ADRA1B: variants seen among roughly 807,000 people sequenced by gnomAD.
ADRA1B encodes adrenoceptor alpha 1B, also known as alpha-1B adrenergic receptor.
Under a neutral mutation model 17.9 loss-of-function variants are expected in ADRA1B, and 17 were observed. That is an observed-to-expected ratio of 0.95 (90% CI 0.65 to 1.42). The LOEUF (loss-of-function observed/expected upper bound fraction) is 1.42, where lower values mean the gene tolerates loss of function less well. ADRA1B is among the 40% of genes most tolerant of loss of function. The pLI, the probability that ADRA1B is intolerant of heterozygous loss-of-function variation, is 0.00. For synonymous variants in ADRA1B, 366 were observed against 327.6 expected (o/e 1.12, Z -1.27); for missense variants, 681 against 722.1 (o/e 0.94, Z 0.65).
intron 1 of ADRA1B, chr5:159,888,484 C>T (rs567232149): frequency 1.3e-4 from 19 of 151,790 alleles, no homozygotes; most frequent in Non-Finnish European, 2.5e-4. Context: ...GTATTTTATT[C>T]TTACCAAATT....
intron 1 of ADRA1B, chr5:159,950,422 C>A: frequency 1.3e-6 from 1 of 763,040 alleles, no homozygotes. Flanking sequence ...CTGTGTGTGG[C>A]AGGGACTCCC....
At chr5:159,905,061 A>G (rs1754145333) in intron 1 of ADRA1B, among the ~76,000 whole-genome samples, 1 of 152,254 alleles carries the variant, frequency 6.6e-6, no homozygotes, top group Non-Finnish European at 1.5e-5. Flanking sequence ...ATCTCTTTGA[A>G]GAGTTCATAA....
intron 1 of ADRA1B, among the ~76,000 whole-genome samples, chr5:159,957,346 A>C (rs1164801307): frequency 6.6e-6 from 1 of 151,746 alleles, no homozygotes; most frequent in Admixed American, 6.6e-5. Flanking sequence ...TCTACCAAAA[A>C]AATACAAAAA....
At chr5:159,974,811 G>A (rs1464811463), downstream of ADRA1B, among the ~76,000 whole-genome samples, 2 of 151,968 alleles carry the variant, frequency 1.3e-5, no homozygotes, top group Admixed American at 6.6e-5. Context: ...TGGTTTATAT[G>A]CTCTGAACTG....
intron 1 of ADRA1B, among the ~76,000 whole-genome samples, chr5:159,920,613 A>G (rs974372888): frequency 1.2e-4 from 18 of 152,144 alleles, no homozygotes; most frequent in Non-Finnish European, 2.5e-4. Context: ...AACCTAACAG[A>G]TAATGTGGGG....
At chr5:159,884,255 G>A (rs1246761881) in intron 1 of ADRA1B, among the ~76,000 whole-genome samples, 1 of 152,180 alleles carries the variant, frequency 6.6e-6, no homozygotes, top group Non-Finnish European at 1.5e-5. Flanking sequence ...TTGTGTTATG[G>A]CTTGAAAGTT....
At chr5:159,964,695 G>A (rs150605854) in intron 1 of ADRA1B, among the ~76,000 whole-genome samples, 2,030 of 152,260 alleles carry the variant, frequency 0.013, 16 homozygotes, top group Non-Finnish European at 0.02. Flanking sequence ...ATTTTAGCAG[G>A]TTCAGGAACC....
At chr5:159,961,714 CT>C (rs1194432175) in intron 1 of ADRA1B, among the ~76,000 whole-genome samples, 5 of 152,214 alleles carry the variant, frequency 3.3e-5, no homozygotes, top group Admixed American at 3.3e-4. Context: ...ACTGACTCCC[CT>C]GAGGTCATTG....
chr5:159,904,765 ATG>A (rs1287738125), intron 1 of ADRA1B, among the ~76,000 whole-genome samples: 1 of 152,256 alleles, frequency 6.6e-6, no homozygotes, highest in Non-Finnish European at 1.5e-5. Flanking sequence ...CCATTATTGA[ATG>A]TGAGTCCATG....
chr5:159,921,058 CT>C (rs1298179385), intron 1 of ADRA1B, among the ~76,000 whole-genome samples: 1 of 152,214 alleles, frequency 6.6e-6, no homozygotes, highest in Non-Finnish European at 1.5e-5. Flanking sequence ...GGGAAAATAG[CT>C]GTGCCCCCTA....
chr5:159,949,937 A>G (rs951946882), intron 1 of ADRA1B, among the ~76,000 whole-genome samples: 1 of 152,004 alleles, frequency 6.6e-6, no homozygotes, highest in Non-Finnish European at 1.5e-5. Flanking sequence ...TCAAACCTCC[A>G]CCAACCCTAC....
intron 1 of ADRA1B, among the ~76,000 whole-genome samples, chr5:159,905,520 C>T (rs952002485): frequency 6.6e-5 from 10 of 152,218 alleles, no homozygotes; most frequent in Non-Finnish European, 1.3e-4. Context: ...TTCACTCACT[C>T]ATCTAATAAA....
In ADRA1B at chr5:159,917,874, C is replaced by A; in HGVS notation, c.949+20C>A. On this transcript the variant is annotated intron_variant, in intron 1 of 1. Transcript: ENST00000306675. Reference sequence around the variant, plus strand: ...CGCTTGGTAAGTTGGGGACTAGCAGCAGGGGGACTGGGCATTTTTGGACCT... The same window carrying A: ...CGCTTGGTAAGTTGGGGACTAGCAGAAGGGGGACTGGGCATTTTTGGACCT... 1 of 1,569,458 alleles carries A rather than the reference C, an allele frequency of 6.4e-7. No homozygotes were observed. Among genetic ancestry groups the A allele is most frequent in the Admixed American group, 1.9e-5 (1 of 52,846 alleles).
intron 1 of ADRA1B, among the ~76,000 whole-genome samples, chr5:159,962,365 T>C (rs1755680006): frequency 6.8e-6 from 1 of 147,582 alleles, no homozygotes; most frequent in Non-Finnish European, 1.5e-5. Context: ...GACCTCAGAC[T>C]GGTGCTGCCA....
intron 1 of ADRA1B, among the ~76,000 whole-genome samples, chr5:159,937,217 A>G (rs945625698): frequency 6.6e-6 from 1 of 152,232 alleles, no homozygotes; most frequent in Admixed American, 6.5e-5. Context: ...TCAGATGTGG[A>G]GGAATCCCTG....
intron 1 of ADRA1B, among the ~76,000 whole-genome samples, chr5:159,893,396 G>A (rs1754008179): frequency 6.6e-6 from 1 of 152,266 alleles, no homozygotes; most frequent in Non-Finnish European, 1.5e-5. Context: ...AAGTGATGGA[G>A]CAATGCTTAA....
intron 1 of ADRA1B, among the ~76,000 whole-genome samples, chr5:159,924,943 GTTCT>G (rs1411712469): frequency 6.6e-6 from 1 of 152,194 alleles, no homozygotes; most frequent in African/African-American, 2.4e-5. Context: ...CTGGCTAGGA[GTTCT>G]TTCTCTGTAT....
intron 1 of ADRA1B, among the ~76,000 whole-genome samples, chr5:159,922,463 G>A (rs1754513083): frequency 6.6e-6 from 1 of 152,166 alleles, no homozygotes; most frequent in Admixed American, 6.5e-5. Context: ...CATAGCACAT[G>A]TACTCCAGGA....
chr5:159,892,894 G>A (rs886438960), intron 1 of ADRA1B, among the ~76,000 whole-genome samples: 2 of 152,072 alleles, frequency 1.3e-5, no homozygotes, highest in East Asian at 1.9e-4. Flanking sequence ...CCTTTAGGTC[G>A]CCGAGGATTC....
Sources: allele counts gnomAD v4.1 joint callset (sites outside exome capture counted in the v4.1 genomes callset), GRCh38; gene constraint gnomAD v4.1.1; transcripts MANE v1.5; gene names NCBI Gene and HGNC (gene_info 2026-07-23, HGNC 2026-07-21).